ARPC1A: variants seen among roughly 807,000 people sequenced by gnomAD.
The protein encoded by ARPC1A is actin-related protein 2/3 complex subunit 1A.
ARPC1A carries 8 observed loss-of-function variants against 46.9 expected under a neutral mutation model. The observed-to-expected ratio is 0.17, with a 90% CI of 0.10 to 0.31. The LOEUF (loss-of-function observed/expected upper bound fraction) is 0.31, where lower values mean the gene tolerates loss of function less well. ARPC1A is among the 10% of genes least tolerant of loss of function. The pLI, the probability that ARPC1A is intolerant of heterozygous loss-of-function variation, is 1.00. For synonymous variants in ARPC1A, 152 were observed against 169.0 expected, an observed-to-expected ratio of 0.90 and a Z score of 0.78; for missense variants, 286 against 483.6, an observed-to-expected ratio of 0.59 and a Z score of 3.83.
intron 3 of ARPC1A, among the ~76,000 whole-genome samples, chr7:99,341,910 A>G (rs1456374985): frequency 6.6e-6 from 1 of 152,142 alleles, no homozygotes; most frequent in East Asian, 1.9e-4. Flanking sequence ...TTTTAGGGGA[A>G]AAAAATATTT....
chr7:99,335,186 C>A (rs1051375945), intron 2 of ARPC1A, among the ~76,000 whole-genome samples: 1 of 152,066 alleles, frequency 6.6e-6, no homozygotes, highest in African/African-American at 2.4e-5. Flanking sequence ...GACAGGGATG[C>A]GCTATGTCAC....
In ARPC1A at chr7:99,340,839, ATAATGC is replaced by A. The variant is rs372073668; in HGVS notation, c.169+2556_169+2561del. Among the ~76,000 whole-genome samples, 616 of 152,306 alleles carry A rather than the reference ATAATGC, an allele frequency of 4.0e-3. 2 individuals are homozygous for A. Among genetic ancestry groups the A allele is most frequent in the African/African-American group, 0.014 (589 of 41,570 alleles). On this transcript the variant is annotated intron_variant, in intron 3 of 9. Transcript: ENST00000262942. ...CCTTGCTTTGACCAGTGATTTATAAATAATGCTCTTGAGCACCAGTAGCTGAGTATA... is the reference window on the plus strand; with the variant it reads ...CCTTGCTTTGACCAGTGATTTATAAATCTTGAGCACCAGTAGCTGAGTATA...
chr7:99,328,601 A>G (rs1042183795), intron 1 of ARPC1A, among the ~76,000 whole-genome samples: 1 of 152,188 alleles, frequency 6.6e-6, no homozygotes, highest in East Asian at 1.9e-4. Flanking sequence ...CCTCGGCTTC[A>G]GAGCCCATGG....
At chr7:99,362,242 C>T (rs951163653) in intron 8 of ARPC1A, among the ~76,000 whole-genome samples, 8 of 151,176 alleles carry the variant, frequency 5.3e-5, no homozygotes, top group African/African-American at 1.7e-4. Context: ...TGCAGTGAGC[C>T]GAGATCGCAC....
In ARPC1A at chr7:99,359,784, C is replaced by T. The variant is rs770048950; in HGVS notation, c.983+46C>T. On this transcript the variant is annotated intron_variant, in intron 8 of 9. Coordinates refer to ENST00000262942, the MANE Select transcript of ARPC1A (RefSeq NM_006409.4). ...GGTGGTCAGGTGACAAGGTGCCTTC[C>T]TGCCCCTCGCTGTTTCCTTACTGGG... The T allele has an allele frequency of 2.5e-6, 4 of 1,597,420 alleles. No individual in the cohort carries two copies. The Admixed American group carries it at 5.1e-5, about 20-fold the overall frequency.
chr7:99,340,144 C>CTGTT (rs1163598825), intron 3 of ARPC1A: 1 of 395,510 alleles, frequency 2.5e-6, no homozygotes, highest in Non-Finnish European at 5.0e-6. Context: ...TGTCTTTTTT[C>CTGTT]TGTTTTTGTT....
intron 8 of ARPC1A, among the ~76,000 whole-genome samples, chr7:99,363,230 C>T (rs1274064285): frequency 1.3e-5 from 2 of 152,016 alleles, no homozygotes; most frequent in Non-Finnish European, 2.9e-5. Context: ...ATTTTCTGAG[C>T]CAGATTGTTG....
At chr7:99,326,034 C>A (rs1464342354) in intron 1 of ARPC1A, 30 bp downstream of exon 1, 2 of 152,324 alleles carry the variant, frequency 1.3e-5, no homozygotes, top group East Asian at 3.9e-4. Flanking sequence ...AGCGTCTCAC[C>A]CTGTCGGCCT....
chr7:99,341,885 T>C (rs529525536), intron 3 of ARPC1A, among the ~76,000 whole-genome samples: 3 of 152,054 alleles, frequency 2.0e-5, no homozygotes, highest in Admixed American at 1.3e-4. Flanking sequence ...ACATATTTTC[T>C]CAGAAAGATA....
At chr7:99,329,786 C>T (rs1793114505) in intron 1 of ARPC1A, among the ~76,000 whole-genome samples, 1 of 152,194 alleles carries the variant, frequency 6.6e-6, no homozygotes, top group Non-Finnish European at 1.5e-5. Flanking sequence ...AGCCTTTTGT[C>T]TGCAGCTGTA....
Position 99,358,435 on chromosome 7 carries a change from C to T in ARPC1A, c.789+20C>T. Reference sequence around the variant, plus strand: ...GCTGCTGTGAGTATTTTTCTTCATTCTCCCTCGGGGTGCACTGTATGTGAT... The same window carrying T: ...GCTGCTGTGAGTATTTTTCTTCATTTTCCCTCGGGGTGCACTGTATGTGAT... On this transcript the variant is annotated intron_variant, in intron 7 of 9. Coordinates refer to ENST00000262942, the MANE Select transcript of ARPC1A (RefSeq NM_006409.4). The T allele has an allele frequency of 6.2e-7, 1 of 1,608,574 alleles. No homozygotes were observed. The highest frequency in any genetic ancestry group is 8.5e-7 in the Non-Finnish European group (1 of 1,175,316).
In ARPC1A at chr7:99,333,238, A is replaced by G. The variant is rs140166372; in HGVS notation, c.-29-87A>G. On this transcript the variant is annotated intron_variant, in intron 1 of 9. Coordinates refer to ENST00000262942, the MANE Select transcript of ARPC1A (RefSeq NM_006409.4). ...AGGACAATGTTTTATTTATTTCCGA[A>G]CATCTTAAGATCCTCAGGCAACTTA... 1.3e-4 allele frequency: 110 copies of G among 828,392 alleles called. No homozygotes were observed. The East Asian group carries it at 2.8e-3, about 21-fold the overall frequency. The allele number at this position is 828,392 out of a possible 1,614,324, so 51.3% of individuals were successfully genotyped here. A position where few individuals can be genotyped will look rare whatever the true frequency, so the allele number is the denominator to read the frequency against.
At chr7:99,348,761 C>T in intron 4 of ARPC1A, 91 bp from the exon 5 acceptor site, 1 of 810,664 alleles carries the variant, frequency 1.2e-6, no homozygotes, top group East Asian at 2.8e-5. Context: ...AAAGTGTGGC[C>T]TACTTAGGTA....
chr7:99,335,725 C>T (rs1793237760), intron 2 of ARPC1A, among the ~76,000 whole-genome samples: 1 of 152,102 alleles, frequency 6.6e-6, no homozygotes, highest in Non-Finnish European at 1.5e-5. Flanking sequence ...GAGGCCAAGG[C>T]AGGCAGATCA....
intron 8 of ARPC1A, among the ~76,000 whole-genome samples, chr7:99,362,453 T>C (rs1298448124): frequency 1.6e-4 from 22 of 141,396 alleles, no homozygotes; most frequent in Non-Finnish European, 2.4e-4. Context: ...TGCCTCAGCC[T>C]CCCAAGTAGC....
intron 3 of ARPC1A, among the ~76,000 whole-genome samples, chr7:99,342,916 G>T (rs1584378838): frequency 1.3e-5 from 2 of 151,618 alleles, no homozygotes; most frequent in South Asian, 4.2e-4. Flanking sequence ...TAGGGACAGG[G>T]TTTCACCGTG....
chr7:99,330,341 G>C (rs1793125969), intron 1 of ARPC1A, among the ~76,000 whole-genome samples: 1 of 151,638 alleles, frequency 6.6e-6, no homozygotes, highest in South Asian at 2.1e-4. Flanking sequence ...TTGATACAGA[G>C]TCTCACTCTG....
chr7:99,326,558 C>T (rs1228377333), intron 1 of ARPC1A, among the ~76,000 whole-genome samples: 1 of 152,228 alleles, frequency 6.6e-6, no homozygotes, highest in Non-Finnish European at 1.5e-5. Context: ...CCCTTCTCGG[C>T]GCTCTTATTC....
chr7:99,337,376 G>A (rs376465236), intron 2 of ARPC1A, among the ~76,000 whole-genome samples: 13 of 152,220 alleles, frequency 8.5e-5, no homozygotes, highest in East Asian at 7.7e-4. Flanking sequence ...AGCCAAGATC[G>A]CGCCATTGCA....
Sources: allele counts gnomAD v4.1 joint callset (sites outside exome capture counted in the v4.1 genomes callset), GRCh38; gene constraint gnomAD v4.1.1; transcripts MANE v1.5; gene names NCBI Gene and HGNC (gene_info 2026-07-23, HGNC 2026-07-21).